The following AKR1C8 variants were observed in gnomAD, a reference collection of about 807,000 sequenced individuals.
AKR1C8 encodes the protein aldo-keto reductase family 1 member C-like protein 1.
chr10:5,170,549 T>C, the AKR1C8 span, among the ~76,000 whole-genome samples: 1 of 152,128 alleles, frequency 6.6e-6, no homozygotes, highest in Admixed American at 6.6e-5. Context: ...ATTTGTACCA[T>C]TAAATACCTA....
the AKR1C8 span, among the ~76,000 whole-genome samples, chr10:5,166,254 C>A: frequency 2.4e-4 from 37 of 151,844 alleles, no homozygotes; most frequent in Non-Finnish European, 5.9e-5. Context: ...ATCAAGCTAC[C>A]AATGACTTTC....
At chr10:5,144,997 G>A in the AKR1C8 span, among the ~76,000 whole-genome samples, 1 of 151,486 alleles carries the variant, frequency 6.6e-6, no homozygotes, top group Non-Finnish European at 1.5e-5. Context: ...GTATGATATT[G>A]GCTGTGGGTT....
the AKR1C8 span, among the ~76,000 whole-genome samples, chr10:5,147,003 C>G: frequency 6.6e-6 from 1 of 152,112 alleles, no homozygotes; most frequent in Non-Finnish European, 1.5e-5. Context: ...AAAGAAGTCT[C>G]TTTGGCTCAT....
the AKR1C8 span, among the ~76,000 whole-genome samples, chr10:5,175,336 T>C: frequency 6.6e-6 from 1 of 152,174 alleles, no homozygotes; most frequent in African/African-American, 2.4e-5. Flanking sequence ...TAGTATTCCA[T>C]GGTGTATATG....
chr10:5,152,866 G>A, the AKR1C8 span, among the ~76,000 whole-genome samples: 1 of 152,036 alleles, frequency 6.6e-6, no homozygotes, highest in South Asian at 2.1e-4. Context: ...TTAATGCGGG[G>A]AGATATTTTC....
At chr10:5,162,830 T>TTTC in the AKR1C8 span, 2 of 521,086 alleles carry the variant, frequency 3.8e-6, no homozygotes. Context: ...GGCCTCTGGC[T>TTTC]ACTGTACACA....
At chr10:5,140,648 G>C in the AKR1C8 span, among the ~76,000 whole-genome samples, 1 of 151,956 alleles carries the variant, frequency 6.6e-6, no homozygotes, top group African/African-American at 2.4e-5. Flanking sequence ...GACCTGTTGT[G>C]GGGTGGGGGG....
the AKR1C8 span, among the ~76,000 whole-genome samples, chr10:5,117,158 G>T: frequency 6.6e-6 from 1 of 151,210 alleles, no homozygotes; most frequent in Non-Finnish European, 1.5e-5. Context: ...CAGGAAAAGG[G>T]TTAAAAGGTG....
the AKR1C8 span, among the ~76,000 whole-genome samples, chr10:5,118,634 G>C: frequency 6.6e-6 from 1 of 152,130 alleles, no homozygotes; most frequent in Non-Finnish European, 1.5e-5. Flanking sequence ...TGACATATAA[G>C]AGGGCGAGAG....
At chr10:5,171,985 C>T in the AKR1C8 span, among the ~76,000 whole-genome samples, 1 of 152,096 alleles carries the variant, frequency 6.6e-6, no homozygotes, top group Non-Finnish European at 1.5e-5. Context: ...TAACTTTCAG[C>T]AACCTTTACT....
the AKR1C8 span, among the ~76,000 whole-genome samples, chr10:5,164,028 A>G: frequency 6.6e-6 from 1 of 152,038 alleles, no homozygotes; most frequent in African/African-American, 2.4e-5. Flanking sequence ...TCCAGTGGAC[A>G]CTTTTCTTTT....
the AKR1C8 span, chr10:5,161,921 A>C: frequency 1.9e-6 from 1 of 534,518 alleles, no homozygotes; most frequent in Non-Finnish European, 3.8e-6. Flanking sequence ...TTCTTCAGTG[A>C]CCTTTCTAGG....
the AKR1C8 span, chr10:5,158,736 T>TTGAAAAATATTGG: frequency 2.1e-6 from 1 of 473,756 alleles, no homozygotes; most frequent in East Asian, 6.7e-5. Flanking sequence ...CCAAAAGGTG[T>TTGAAAAATATTGG]CACAATATAT....
the AKR1C8 span, among the ~76,000 whole-genome samples, chr10:5,179,303 TG>T: frequency 6.6e-6 from 1 of 152,214 alleles, no homozygotes; most frequent in Non-Finnish European, 1.5e-5. Flanking sequence ...TGTTGAATAT[TG>T]GCCCCCACTC....
chr10:5,141,245 T>G, the AKR1C8 span, among the ~76,000 whole-genome samples: 4 of 152,170 alleles, frequency 2.6e-5, no homozygotes, highest in African/African-American at 7.2e-5. Context: ...CTCTTAAAGT[T>G]TTATCATGAA....
chr10:5,169,589 G>GT, the AKR1C8 span, among the ~76,000 whole-genome samples: 705 of 145,872 alleles, frequency 4.8e-3, 2 homozygotes, highest in East Asian at 0.024. Flanking sequence ...AAAGATCCAT[G>GT]TTTTTTTTTT....
At chr10:5,181,024 G>T in the AKR1C8 span, among the ~76,000 whole-genome samples, 1 of 152,160 alleles carries the variant, frequency 6.6e-6, no homozygotes, top group African/African-American at 2.4e-5. Context: ...GCACTCCCTT[G>T]TGAGATGAAC....
the AKR1C8 span, among the ~76,000 whole-genome samples, chr10:5,136,404 C>G: frequency 6.6e-6 from 1 of 151,986 alleles, no homozygotes; most frequent in Non-Finnish European, 1.5e-5. Flanking sequence ...AAAAATTAGC[C>G]ACGTGTGGTG....
At chr10:5,167,527 C>T in the AKR1C8 span, among the ~76,000 whole-genome samples, 6 of 152,176 alleles carry the variant, frequency 3.9e-5, no homozygotes, top group African/African-American at 9.6e-5. Context: ...AGCAAACTAT[C>T]GCAAGGACAA....
Sources: gnomAD v4.1 joint callset for allele counts (sites outside exome capture counted in the v4.1 genomes callset) on GRCh38, gnomAD v4.1.1 for gene constraint, MANE v1.5 for transcripts, NCBI Gene and HGNC (gene_info 2026-07-23, HGNC 2026-07-21) for gene names.